The following RYR1 variants were observed in gnomAD, a reference collection of about 807,000 sequenced individuals.
RYR1 encodes the protein ryanodine receptor 1.
In RYR1, 342 loss-of-function variants were observed where a neutral mutation model predicts 583.5. The observed-to-expected ratio is 0.59, with a 90% CI of 0.54 to 0.64. The LOEUF is 0.64. Among genes scored for constraint, RYR1 ranks in the 30% least tolerant of loss-of-function variants. The probability of loss-of-function intolerance (pLI) is 0.00; values close to 1 mark genes in which losing one functional copy is unlikely to be tolerated. For synonymous variants in RYR1, 2,791 were observed against 2,822.5 expected (o/e 0.99, Z 0.35); for missense variants, 6,032 against 6,917.2 (o/e 0.87, Z 4.54).
intron 67 of RYR1, among the ~76,000 whole-genome samples, chr19:38,520,117 C>T (rs1465218098): frequency 2.0e-5 from 3 of 149,144 alleles, no homozygotes; most frequent in African/African-American, 7.5e-5. Context: ...TCTCTGTTGC[C>T]CAGGCTGGAG....
At position 38,565,885 on chromosome 19, in the gene RYR1, C is replaced by T. The variant is rs949572326; in HGVS notation, c.13437+114C>T. ...GGAGAGAACTGGCTAGGGGGATGGGCACACGCACCCACGGAGGACGCACCC... is the reference window on the plus strand; with the variant it reads ...GGAGAGAACTGGCTAGGGGGATGGGTACACGCACCCACGGAGGACGCACCC... On this transcript the variant is annotated intron_variant, in intron 91 of 105. Transcript: ENST00000359596. This position sits in a 1 kb window ranked among gnomAD's most constrained non-coding sequence, Gnocchi z 4.7. 2.5e-6 allele frequency: 3 copies of T among 1,180,638 alleles called. No individual in the cohort carries two copies. The highest frequency in any genetic ancestry group is 3.2e-5 in the African/African-American group (2 of 62,212). 73.1% of individuals were successfully genotyped at this position (1,180,638 alleles called of 1,614,324 possible).
chr19:38,510,556 CT>C lies in RYR1; in HGVS notation c.8994del (p.Phe2998LeufsTer8). ...CCCCACATGAACAGGAGATTAAATT[CT>C]TTGCCAAGGTGAGAGGTGGGCTTAG... Reference protein sequence around the residue: ...KSPHEQEIKFFAKILLPLINQ... With the variant: ...KSPHEQEIKFXAKILLPLINQ... On this transcript the variant is annotated frameshift_variant, in exon 59 of 106. Transcript: ENST00000359596. LOFTEE classifies it high-confidence loss of function. 1 of 1,614,154 alleles carries C rather than the reference CT, an allele frequency of 6.2e-7. No homozygotes were observed. Among genetic ancestry groups the C allele is most frequent in the South Asian group, 1.1e-5 (1 of 91,074 alleles).
Position 38,504,244 on chromosome 19 carries a change from T to A in RYR1, c.7951T>A (p.Cys2651Ser). ...LKLLTNHYER[C>S]WKYYCLPTGW... is the part of the protein sequence containing the mutation. ...GCTCCTCACCAACCACTATGAGCGCTGTTGGAAGTACTACTGCCTACCCAC... is the reference window on the plus strand; with the variant it reads ...GCTCCTCACCAACCACTATGAGCGCAGTTGGAAGTACTACTGCCTACCCAC... Residue 2651 changes from cysteine (C) to serine (S), a missense_variant, in exon 50 of 106, where the codon TGT becomes AGT. Coordinates refer to ENST00000359596, the MANE Select transcript of RYR1 (RefSeq NM_000540.3). 6.2e-7 allele frequency: 1 copy of A among 1,614,026 alleles called. No homozygotes were observed. Among genetic ancestry groups the A allele is most frequent in the South Asian group, 1.1e-5 (1 of 91,050 alleles).
rs766012448 is a variant in RYR1 at position 38,510,473 on chromosome 19, T to G, written c.8933-25T>G. ...GGGTTCCCCAGCCTTGAACCCACTG[T>G]GAACCCTATTTGCCCTCCCTACAGA... On this transcript the variant is annotated intron_variant, in intron 58 of 105. Transcript: ENST00000359596. The G allele has an allele frequency of 1.1e-5, 17 of 1,613,924 alleles. No individual in the cohort carries two copies. The South Asian group carries it at 1.6e-4, about 16-fold the overall frequency.
chr19:38,566,035 A>G (rs2145848870), intron 91 of RYR1, among the ~76,000 whole-genome samples: 1 of 149,150 alleles, frequency 6.7e-6, no homozygotes, highest in Middle Eastern at 3.4e-3. Flanking sequence ...GGGGAGAGAG[A>G]GTGCAGGGCC....
At position 38,452,803 on chromosome 19, in the gene RYR1, T is replaced by C; in HGVS notation, c.1245-16T>C. 1 of 1,567,098 alleles carries C rather than the reference T, an allele frequency of 6.4e-7. No individual in the cohort carries two copies. Among genetic ancestry groups the C allele is most frequent in the Non-Finnish European group, 8.7e-7 (1 of 1,155,772 alleles). On this transcript the variant is annotated splice_polypyrimidine_tract_variant and intron_variant, in intron 12 of 105. Coordinates refer to ENST00000359596, the MANE Select transcript of RYR1 (RefSeq NM_000540.3). ...AGCGCTCCCAGCCGTGGCTGACAGC[T>C]GCGAGGTCCCTGTAGGAGCCTGGAC...
Position 38,502,971 on chromosome 19 carries a change from G to A in RYR1, c.7926+1G>A. On this transcript the variant is annotated splice_donor_variant, in intron 49 of 105. Transcript: ENST00000359596. LOFTEE classifies it high-confidence loss of function. ...CGAGTTCGCCAAGATGCCACTCAAGGTGAGGGCAAGCGCTCTTTAGCATCT... is the reference window on the plus strand; with the variant it reads ...CGAGTTCGCCAAGATGCCACTCAAGATGAGGGCAAGCGCTCTTTAGCATCT... 1.2e-6 allele frequency: 2 copies of A among 1,608,152 alleles called. No individual in the cohort carries two copies. The highest frequency in any genetic ancestry group is 2.2e-5 in the East Asian group (1 of 44,878).
intron 89 of RYR1, among the ~76,000 whole-genome samples, chr19:38,553,933 C>T (rs986609555): frequency 7.2e-5 from 11 of 152,180 alleles, no homozygotes; most frequent in Admixed American, 4.6e-4. Context: ...CAATATTCCA[C>T]GCTGTGTGTA....
rs1037526076 is a variant in RYR1 at position 38,510,479 on chromosome 19, C to T, written c.8933-19C>T. ...CCCAGCCTTGAACCCACTGTGAACCCTATTTGCCCTCCCTACAGAGGCTGT... is the reference window on the plus strand; with the variant it reads ...CCCAGCCTTGAACCCACTGTGAACCTTATTTGCCCTCCCTACAGAGGCTGT... On this transcript the variant is annotated intron_variant, in intron 58 of 105. Transcript: ENST00000359596. 3.7e-6 allele frequency: 6 copies of T among 1,614,020 alleles called. No homozygotes were observed. The highest frequency in any genetic ancestry group is 2.7e-5 in the African/African-American group (2 of 74,934).
At chr19:38,442,288 G>A in intron 2 of RYR1, 61 bp from the exon 3 acceptor site, 5 of 1,133,822 alleles carry the variant, frequency 4.4e-6, no homozygotes, top group Middle Eastern at 2.0e-4. Flanking sequence ...AGTGTGGCAG[G>A]GAATGTTGCT....
chr19:38,584,840 G>A (rs1430797369), intron 101 of RYR1, 103 bp from the exon 102 acceptor site: 4 of 1,403,822 alleles, frequency 2.8e-6, no homozygotes, highest in Non-Finnish European at 3.0e-6. Flanking sequence ...GCCCAGGGCT[G>A]TCTCAGTCGT....
At chr19:38,549,694 T>C (rs1228951285) in intron 89 of RYR1, among the ~76,000 whole-genome samples, 2 of 139,324 alleles carry the variant, frequency 1.4e-5, no homozygotes, top group African/African-American at 2.7e-5. Context: ...TTCCCTTTCC[T>C]TTCCTTTTTT....
At chr19:38,516,695 G>A (rs1970987310) in intron 65 of RYR1, among the ~76,000 whole-genome samples, 1 of 152,088 alleles carries the variant, frequency 6.6e-6, no homozygotes, top group Non-Finnish European at 1.5e-5. Flanking sequence ...GAGCATAAGA[G>A]GATTGAGGGA....
chr19:38,455,666 A>G lies in RYR1; in HGVS notation c.1706A>G (p.Glu569Gly), dbSNP rs1302525185. 6.2e-7 allele frequency: 1 copy of G among 1,613,884 alleles called. No homozygotes were observed. The highest frequency in any genetic ancestry group is 1.7e-5 in the Admixed American group (1 of 59,996). ...ILEVLYCVLI[E>G]SPEVLNIIQE... is the part of the protein sequence containing the mutation. ...GAGGTCCTGTACTGTGTCCTCATTG[A>G]GAGTCCAGAGGTTCTGAACATCATC... The change falls in exon 16 of 106, where the codon GAG becomes GGG. Residue 569 changes from glutamate (E) to glycine (G), a missense_variant. By Grantham distance (98) the Glu-to-Gly change is moderately conservative. This residue lies in a region of RYR1 where 2,627 missense variants were observed against 2,961.3 expected (regional missense o/e 0.89). Transcript: ENST00000359596.
rs376023128 is a variant in RYR1, at chr19:38,478,540, C to T, written c.4560C>T (p.Asp1520=). The T allele has an allele frequency of 5.0e-6, 8 of 1,614,016 alleles. No individual in the cohort carries two copies. Among genetic ancestry groups the T allele is most frequent in the African/African-American group, 1.3e-5 (1 of 74,938 alleles). ...ACCTTGTCATTGGGTGCCTGGTGGA[C>T]TTGGCCACTGGCTTAATGACCTTTA... ...HTDLVIGCLV[D]LATGLMTFTA... Residue 1520 remains aspartate, a synonymous_variant, in exon 31 of 106, where the codon GAC becomes GAT. Coordinates refer to ENST00000359596, the MANE Select transcript of RYR1 (RefSeq NM_000540.3).
Position 38,440,726 on chromosome 19 carries a change from C to G in RYR1, c.46-19C>G. 1.2e-6 allele frequency: 2 copies of G among 1,604,010 alleles called. No individual in the cohort carries two copies. The highest frequency in any genetic ancestry group is 1.7e-6 in the Non-Finnish European group (2 of 1,174,340). ...TCCGGGCCAGGCCCCCCTGGAGACGCTGCCCCTCGGTTCCGCAGGACGATG... is the reference window on the plus strand; with the variant it reads ...TCCGGGCCAGGCCCCCCTGGAGACGGTGCCCCTCGGTTCCGCAGGACGATG... On this transcript the variant is annotated intron_variant, in intron 1 of 105. Coordinates refer to ENST00000359596, the MANE Select transcript of RYR1 (RefSeq NM_000540.3).
chr19:38,492,327 T>C (rs1969584306), intron 37 of RYR1, among the ~76,000 whole-genome samples, 163 bp from the exon 38 acceptor site: 1 of 145,908 alleles, frequency 6.9e-6, no homozygotes, highest in South Asian at 2.1e-4. Flanking sequence ...ATCATGCTAC[T>C]GCTCTCCACT....
At chr19:38,507,270 G>A (rs1241071786) in intron 57 of RYR1, among the ~76,000 whole-genome samples, 2 of 150,140 alleles carry the variant, frequency 1.3e-5, no homozygotes, top group Admixed American at 6.6e-5. Flanking sequence ...GATTGGAGGC[G>A]GGACCAAAGA....
chr19:38,452,720 G>C, intron 12 of RYR1, 99 bp from the exon 13 acceptor site: 1 of 1,068,050 alleles, frequency 9.4e-7, no homozygotes, highest in Non-Finnish European at 1.3e-6. Context: ...TCTGTAAAAC[G>C]GGTGGGTCTG....
Sources: allele counts gnomAD v4.1 joint callset (sites outside exome capture counted in the v4.1 genomes callset), GRCh38; gene constraint gnomAD v4.1.1; regional missense constraint gnomAD v4.1.1; non-coding constraint Gnocchi (gnomAD v3.1); transcripts MANE v1.5; gene names NCBI Gene and HGNC (gene_info 2026-07-23, HGNC 2026-07-21).